Variants in ESRRG observed in about 807,000 individuals in gnomAD.
ESRRG encodes the protein estrogen-related receptor gamma.
ESRRG carries 13 observed loss-of-function variants against 44.0 expected under a neutral mutation model. That is an observed-to-expected ratio of 0.30 (90% confidence interval 0.19 to 0.47). The LOEUF is 0.47. Ranked by LOEUF, ESRRG falls within the 20% of genes least tolerant of loss-of-function variation. The pLI, the probability that ESRRG is intolerant of heterozygous loss-of-function variation, is 1.00. For synonymous variants in ESRRG, 215 were observed against 214.6 expected, an observed-to-expected ratio of 1.00 and a Z score of -0.02; for missense variants, 395 against 580.6, an observed-to-expected ratio of 0.68 and a Z score of 3.29.
chr1:216,795,091 C>A (rs2094437255), intron 2 of ESRRG, among the ~76,000 whole-genome samples: 1 of 152,038 alleles, frequency 6.6e-6, no homozygotes. Flanking sequence ...AATTTCCATT[C>A]CAGAAAACAA....
intron 6 of ESRRG, among the ~76,000 whole-genome samples, chr1:216,511,743 A>G (rs1449646673): frequency 6.6e-6 from 1 of 152,222 alleles, no homozygotes; most frequent in African/African-American, 2.4e-5. Flanking sequence ...ATATTTTGTC[A>G]CACCGAATAG....
intron 2 of ESRRG, among the ~76,000 whole-genome samples, chr1:216,890,062 C>A (rs762776545): frequency 1.3e-5 from 2 of 151,854 alleles, no homozygotes; most frequent in African/African-American, 2.4e-5. Flanking sequence ...GCCAGGAGTT[C>A]AAGACCAGCT....
At chr1:216,656,540 A>G (rs1360317407) in intron 2 of ESRRG, among the ~76,000 whole-genome samples, 1 of 152,206 alleles carries the variant, frequency 6.6e-6, no homozygotes, top group African/African-American at 2.4e-5. Flanking sequence ...GGCGGATAGA[A>G]TAACAGGGTG....
intron 3 of ESRRG, among the ~76,000 whole-genome samples, chr1:216,569,647 G>C (rs1000074613): frequency 6.6e-6 from 1 of 152,152 alleles, no homozygotes; most frequent in Non-Finnish European, 1.5e-5. Flanking sequence ...CTGCTTGGGA[G>C]CAGAAGTGAG....
At chr1:216,958,250 C>CT (rs1334251949) in intron 1 of ESRRG, among the ~76,000 whole-genome samples, 1 of 152,196 alleles carries the variant, frequency 6.6e-6, no homozygotes, top group Non-Finnish European at 1.5e-5. Flanking sequence ...CTGCACAAAG[C>CT]TTTTTTGTGG....
At chr1:217,122,611 C>A (rs566132964) in intron 1 of ESRRG, among the ~76,000 whole-genome samples, 2 of 151,336 alleles carry the variant, frequency 1.3e-5, no homozygotes, top group African/African-American at 2.4e-5. Context: ...TCTTAAATTC[C>A]TTCATTTACA....
rs34841184 is a variant in ESRRG at position 216,584,260 on chromosome 1, AT to A, written c.590-16163del. 1.4e-3 allele frequency among the ~76,000 whole-genome samples: 203 copies of A among 144,090 alleles called. No homozygotes were observed. The Middle Eastern group carries it at 0.015, about 10-fold the overall frequency. 94.5% of individuals were successfully genotyped at this position (144,090 alleles called of 152,430 possible). ...ATTCTATTTTTTTAAAAAACTTACA[AT>A]TTTTTTTTTTTTTGAGACGGAGTCT... is the stretch of plus-strand genomic sequence containing the variant. On this transcript the variant is annotated intron_variant, in intron 3 of 6. Transcript: ENST00000408911.
intron 2 of ESRRG, among the ~76,000 whole-genome samples, chr1:216,667,534 A>G (rs2074196471): frequency 6.6e-6 from 1 of 151,714 alleles, no homozygotes; most frequent in Non-Finnish European, 1.5e-5. Context: ...AAAAGTACAA[A>G]AATTAGCCAG....
chr1:216,620,463 A>G (rs2062042224), intron 3 of ESRRG, among the ~76,000 whole-genome samples: 1 of 152,118 alleles, frequency 6.6e-6, no homozygotes, highest in African/African-American at 2.4e-5. Context: ...CATTTATTCC[A>G]TTGTTCATTT....
At chr1:216,517,541 G>T (rs2044709641) in intron 6 of ESRRG, among the ~76,000 whole-genome samples, 1 of 151,992 alleles carries the variant, frequency 6.6e-6, no homozygotes, top group Admixed American at 6.6e-5. Context: ...TTTAACACAG[G>T]CTTTAGTATA....
At chr1:216,772,241 C>A (rs935301405) in intron 2 of ESRRG, among the ~76,000 whole-genome samples, 2 of 152,138 alleles carry the variant, frequency 1.3e-5, no homozygotes, top group African/African-American at 4.8e-5. Flanking sequence ...AGCATACCTG[C>A]AGTCCTCATA....
At chr1:216,810,688 T>G (rs1200337550) in intron 2 of ESRRG, among the ~76,000 whole-genome samples, 2 of 133,678 alleles carry the variant, frequency 1.5e-5, no homozygotes, top group Non-Finnish European at 1.6e-5. Context: ...GAGCTAATTC[T>G]TAAACAAAAA....
At chr1:216,982,620 A>G (rs1425014168) in intron 1 of ESRRG, among the ~76,000 whole-genome samples, 1 of 152,242 alleles carries the variant, frequency 6.6e-6, no homozygotes, top group Non-Finnish European at 1.5e-5. Context: ...AAAGAATGGA[A>G]TAGTAGAGAG....
At chr1:216,685,893 T>C (rs989748530) in intron 1 of ESRRG, among the ~76,000 whole-genome samples, 1 of 152,192 alleles carries the variant, frequency 6.6e-6, no homozygotes, top group African/African-American at 2.4e-5. Context: ...GGAGTGGAAC[T>C]CTAAAAGGTA....
intron 2 of ESRRG, among the ~76,000 whole-genome samples, chr1:216,877,969 T>C (rs907033490): frequency 6.6e-6 from 1 of 152,172 alleles, no homozygotes; most frequent in Non-Finnish European, 1.5e-5. Context: ...ATGTATGTCA[T>C]GGACAGTGTG....
intron 1 of ESRRG, among the ~76,000 whole-genome samples, chr1:217,109,339 A>ACTACAAACTCTTTT (rs2092635208): frequency 6.6e-6 from 1 of 152,208 alleles, no homozygotes; most frequent in East Asian, 1.9e-4. Flanking sequence ...AAAGAGATGG[A>ACTACAAACTCTTTT]CTACAAACTC....
intron 2 of ESRRG, among the ~76,000 whole-genome samples, chr1:216,742,145 C>A (rs1403342966): frequency 6.6e-6 from 1 of 152,182 alleles, no homozygotes. Flanking sequence ...ACAGCCTTCA[C>A]GTAACCTGAA....
At chr1:216,716,483 T>G (rs1264880001) in intron 1 of ESRRG, among the ~76,000 whole-genome samples, 1 of 152,016 alleles carries the variant, frequency 6.6e-6, no homozygotes, top group Non-Finnish European at 1.5e-5. Flanking sequence ...GTCTGTGATA[T>G]GCCTGACAGC....
At chr1:217,105,551 C>T (rs142350861) in intron 1 of ESRRG, among the ~76,000 whole-genome samples, 36 of 152,274 alleles carry the variant, frequency 2.4e-4, no homozygotes, top group African/African-American at 8.7e-4. Context: ...TGGGTCCTCT[C>T]TAAAGTCTTC....
Sources: gnomAD v4.1 joint callset for allele counts (sites outside exome capture counted in the v4.1 genomes callset) on GRCh38, gnomAD v4.1.1 for gene constraint, MANE v1.5 for transcripts, NCBI Gene and HGNC (gene_info 2026-07-23, HGNC 2026-07-21) for gene names.